ITGB8: variants seen among roughly 807,000 people sequenced by gnomAD.
ITGB8 encodes the protein integrin beta-8.
A neutral mutation model predicts 89.5 loss-of-function variants in ITGB8; 30 were observed. The observed-to-expected ratio is 0.34, with a 90% CI of 0.25 to 0.45. The LOEUF is 0.45. Among genes scored for constraint, ITGB8 ranks in the 20% least tolerant of loss-of-function variants. The pLI is 1.00. For synonymous variants in ITGB8, 335 were observed against 320.4 expected (o/e 1.05, Z -0.49); for missense variants, 836 against 933.3 (o/e 0.90, Z 1.36).
chr7:20,359,676 A>AGT (rs113038619), intron 1 of ITGB8, among the ~76,000 whole-genome samples: 32,086 of 151,126 alleles, frequency 0.21, 4,228 homozygotes, highest in Non-Finnish European at 0.29. Context: ...AAGGAGAGAG[A>AGT]GTGTGTGTGT....
chr7:20,367,281 A>T lies in ITGB8; in HGVS notation c.388+95A>T. On this transcript the variant is annotated intron_variant, in intron 3 of 13. Coordinates refer to ENST00000222573, the MANE Select transcript of ITGB8 (RefSeq NM_002214.3). The stretch of plus-strand genomic sequence containing the variant: ...TTTTTAATATTATGTGGCAGGCAGT[A>T]TTGTTCTTGTAGAAACCACAGTGGA... 3 of 965,042 alleles carry T rather than the reference A, an allele frequency of 3.1e-6. No individual in the cohort carries two copies. The East Asian group carries it at 7.3e-5, about 24-fold the overall frequency. 59.8% of individuals were successfully genotyped at this position (965,042 alleles called of 1,614,324 possible).
At chr7:20,358,205 C>T (rs141983623) in intron 1 of ITGB8, among the ~76,000 whole-genome samples, 10 of 152,126 alleles carry the variant, frequency 6.6e-5, no homozygotes, top group Non-Finnish European at 1.2e-4. Context: ...TCTCATGATC[C>T]GCCCACCTCA....
rs1289368258 is a variant in ITGB8, at chr7:20,412,939, ATTG to A, written c.*2945_*2947del. On this transcript the variant is annotated 3_prime_UTR_variant, in exon 14 of 14. Coordinates refer to ENST00000222573, the MANE Select transcript of ITGB8 (RefSeq NM_002214.3). ...TTAAACACAATTAATGAAATTTTAA[ATTG>A]TTAACAGAATTGAGAACTTGAACAA... 4.6e-5 allele frequency: 7 copies of A among 152,466 alleles called. No homozygotes were observed. Among genetic ancestry groups the A allele is most frequent in the Admixed American group, 3.9e-4 (6 of 15,268 alleles). 9.4% of individuals were successfully genotyped at this position (152,466 alleles called of 1,614,324 possible). A position where few individuals can be genotyped will look rare whatever the true frequency, so the allele number is the denominator to read the frequency against.
intron 8 of ITGB8, 63 bp from the exon 9 acceptor site, chr7:20,398,795 ACT>A (rs1221841391): frequency 1.5e-5 from 17 of 1,164,240 alleles, no homozygotes; most frequent in Non-Finnish European, 2.0e-5. Context: ...AATAAGCTTG[ACT>A]CTGCTTTGTT....
At chr7:20,383,525 GTTT>G (rs1162627602) in intron 6 of ITGB8, among the ~76,000 whole-genome samples, 1 of 152,070 alleles carries the variant, frequency 6.6e-6, no homozygotes, top group Non-Finnish European at 1.5e-5. Flanking sequence ...CAAAGAGAAG[GTTT>G]TTATTTTTTT....
chr7:20,354,509 G>A (rs1305543907), intron 1 of ITGB8, among the ~76,000 whole-genome samples: 1 of 152,196 alleles, frequency 6.6e-6, no homozygotes, highest in African/African-American at 2.4e-5. Flanking sequence ...TAAGATTCGA[G>A]TAAGCTTTCC....
At chr7:20,374,933 T>C (rs866897134) in intron 3 of ITGB8, among the ~76,000 whole-genome samples, 3 of 152,042 alleles carry the variant, frequency 2.0e-5, no homozygotes, top group Admixed American at 6.6e-5. Context: ...AATGAGACGA[T>C]AGAGGTAGAC....
chr7:20,356,519 T>C (rs1488214497), intron 1 of ITGB8, among the ~76,000 whole-genome samples: 2 of 152,174 alleles, frequency 1.3e-5, no homozygotes, highest in East Asian at 3.8e-4. Context: ...AGTGTTTACT[T>C]GTTTTATTTT....
intron 2 of ITGB8, chr7:20,365,770 A>T (rs935909719): frequency 1.3e-5 from 2 of 152,202 alleles, no homozygotes; most frequent in Admixed American, 1.3e-4. Flanking sequence ...ACCTGACGTC[A>T]TTGAGAGGAA....
At chr7:20,374,487 TAA>T (rs11452686) in intron 3 of ITGB8, among the ~76,000 whole-genome samples, 23 of 141,402 alleles carry the variant, frequency 1.6e-4, no homozygotes, top group African/African-American at 5.1e-4. Context: ...TCTTAGCTGC[TAA>T]AAAAAAAAAA....
At chr7:20,342,883 A>G (rs182269893) in intron 1 of ITGB8, among the ~76,000 whole-genome samples, 1 of 152,190 alleles carries the variant, frequency 6.6e-6, no homozygotes, top group African/African-American at 2.4e-5. Context: ...GAAGAAACAG[A>G]TTAACTTAGC....
In ITGB8 at chr7:20,406,052, C is replaced by A; in HGVS notation, c.1914-10C>A. The A allele has an allele frequency of 1.3e-6, 2 of 1,490,816 alleles. No individual in the cohort carries two copies. The highest frequency in any genetic ancestry group is 1.9e-6 in the Non-Finnish European group (2 of 1,067,758). 92.3% of individuals were successfully genotyped at this position (1,490,816 alleles called of 1,614,324 possible). On this transcript the variant is annotated splice_polypyrimidine_tract_variant and intron_variant, in intron 11 of 13. Transcript: ENST00000222573. ...AGAATAAATATTTTCACTTCTGTTT[C>A]CCCTTGCAGGAATTGTATGCAATGC...
intron 6 of ITGB8, among the ~76,000 whole-genome samples, chr7:20,383,857 T>G (rs1339532978): frequency 2.0e-5 from 3 of 150,826 alleles, no homozygotes; most frequent in Non-Finnish European, 4.4e-5. Context: ...CCCTTCCACA[T>G]GTCACTGCTG....
chr7:20,402,653 C>T (rs1562701899), intron 10 of ITGB8, among the ~76,000 whole-genome samples: 1 of 152,084 alleles, frequency 6.6e-6, no homozygotes, highest in Non-Finnish European at 1.5e-5. Flanking sequence ...TATTTTGGGC[C>T]ACCACCAGCA....
At chr7:20,368,731 G>A (rs1447863365) in intron 3 of ITGB8, among the ~76,000 whole-genome samples, 1 of 151,730 alleles carries the variant, frequency 6.6e-6, no homozygotes, top group Non-Finnish European at 1.5e-5. Context: ...TTTTTGTTAT[G>A]CTCCTTCGTG....
chr7:20,381,017 G>C, intron 5 of ITGB8, 186 bp downstream of exon 5: 1 of 523,278 alleles, frequency 1.9e-6, no homozygotes, highest in Non-Finnish European at 3.3e-6. Context: ...GCTAAATTCA[G>C]GGAGGGATTT....
intron 3 of ITGB8, among the ~76,000 whole-genome samples, chr7:20,367,938 C>T (rs1437464162): frequency 6.6e-6 from 1 of 152,176 alleles, no homozygotes; most frequent in African/African-American, 2.4e-5. Context: ...TACACAGATG[C>T]GCACCACTCA....
Position 20,401,824 on chromosome 7 carries a change from A to G in ITGB8, c.1385A>G (p.His462Arg), listed in dbSNP as rs1787322917. The change falls in exon 10 of 14, where the codon CAT (histidine) becomes CGT (arginine). Residue 462 changes from histidine (H) to arginine (R), a missense_variant. This residue lies in a region of ITGB8 where 422 missense variants were observed against 416.9 expected (regional missense o/e 1.01). Transcript: ENST00000222573. ...PIGFNETAKI[H>R]IHRNCSCQCE... ...GGTTTTAATGAAACCGCTAAAATTC[A>G]TATACACAGAAACTGCAGCTGTCAG... The G allele has an allele frequency of 6.2e-7, 1 of 1,613,840 alleles. No homozygotes were observed. Among genetic ancestry groups the G allele is most frequent in the African/African-American group, 1.3e-5 (1 of 75,058 alleles).
chr7:20,404,172 CA>C (rs1277511925), intron 10 of ITGB8, among the ~76,000 whole-genome samples: 1 of 152,202 alleles, frequency 6.6e-6, no homozygotes, highest in African/African-American at 2.4e-5. Context: ...AAGTTTGCCT[CA>C]CAGTCCTGCA....
Sources: gnomAD v4.1 joint callset for allele counts (sites outside exome capture counted in the v4.1 genomes callset) on GRCh38, gnomAD v4.1.1 for gene constraint, gnomAD v4.1.1 regional missense constraint, MANE v1.5 for transcripts, NCBI Gene and HGNC (gene_info 2026-07-23, HGNC 2026-07-21) for gene names.